The following TSPAN11 variants were observed in gnomAD, a reference collection of about 807,000 sequenced individuals.
The protein encoded by TSPAN11 is tetraspanin-11.
In TSPAN11, 29 loss-of-function variants were observed where a neutral mutation model predicts 32.9. That is an observed-to-expected ratio of 0.88 (90% CI 0.66 to 1.20). TSPAN11 has a LOEUF of 1.20. TSPAN11 is among the 50% of genes most tolerant of loss of function. The pLI, the probability that TSPAN11 is intolerant of heterozygous loss-of-function variation, is 0.00. For synonymous variants in TSPAN11, 140 were observed against 141.3 expected, an observed-to-expected ratio of 0.99 and a Z score of 0.07; for missense variants, 283 against 329.1, an observed-to-expected ratio of 0.86 and a Z score of 1.08.
Position 30,963,300 on chromosome 12 carries a change from G to A in TSPAN11, c.85-526G>A, listed in dbSNP as rs1039677317. ...TTGGACAATTTACCTTTCCTCCGTGGGTCTCAGTTTCTTCCTCGTAGAGTA... is the reference window on the plus strand; with the variant it reads ...TTGGACAATTTACCTTTCCTCCGTGAGTCTCAGTTTCTTCCTCGTAGAGTA... On this transcript the variant is annotated intron_variant, in intron 2 of 7. Coordinates refer to ENST00000546076, the MANE Select transcript of TSPAN11 (RefSeq NM_001370302.1). Among the ~76,000 whole-genome samples the A allele has an allele frequency of 9.9e-5, 15 of 152,130 alleles. 1 individual carries two copies. Among genetic ancestry groups the A allele is most frequent in the African/African-American group, 3.6e-4 (15 of 41,422 alleles).
At chr12:30,934,109 C>G (rs1937992654) in intron 1 of TSPAN11, among the ~76,000 whole-genome samples, 1 of 152,210 alleles carries the variant, frequency 6.6e-6, no homozygotes, top group Non-Finnish European at 1.5e-5. Flanking sequence ...CATGATTACC[C>G]AACTCTCTAG....
At chr12:30,934,651 AT>A (rs1294859521) in intron 1 of TSPAN11, among the ~76,000 whole-genome samples, 1 of 149,670 alleles carries the variant, frequency 6.7e-6, no homozygotes, top group Admixed American at 6.6e-5. Flanking sequence ...TTTTTTTGCA[AT>A]TTTTTTCTTT....
chr12:31,010,415 G>A, the TSPAN11 span, among the ~76,000 whole-genome samples: 1 of 152,152 alleles, frequency 6.6e-6, no homozygotes, highest in East Asian at 1.9e-4. Context: ...CTGAGTTCAG[G>A]CACTTCCCAT....
Position 30,995,573 on chromosome 12 carries a change from C to T in TSPAN11, c.*3658C>T, listed in dbSNP as rs940697871. On this transcript the variant is annotated 3_prime_UTR_variant, in exon 8 of 8. Coordinates refer to ENST00000546076, the MANE Select transcript of TSPAN11 (RefSeq NM_001370302.1). Reference sequence around the variant, plus strand: ...GGAGCCAGCTTTGTTTCAGAATCTGCTACTTGGGCCCTCTTCAGGGTTTTG... The same window carrying T: ...GGAGCCAGCTTTGTTTCAGAATCTGTTACTTGGGCCCTCTTCAGGGTTTTG... 64 of 152,350 alleles carry T rather than the reference C, an allele frequency of 4.2e-4. No homozygotes were observed. Among genetic ancestry groups the T allele is most frequent in the African/African-American group, 1.5e-3 (64 of 41,548 alleles). 9.4% of individuals were successfully genotyped at this position (152,350 alleles called of 1,614,324 possible). A position where few individuals can be genotyped will look rare whatever the true frequency, so the allele number is the denominator to read the frequency against.
At chr12:30,972,141 A>G (rs1236377124) in intron 3 of TSPAN11, among the ~76,000 whole-genome samples, 2 of 152,170 alleles carry the variant, frequency 1.3e-5, no homozygotes, top group Non-Finnish European at 2.9e-5. Flanking sequence ...CCGTCAGACC[A>G]CAGGGGATCG....
intron 3 of TSPAN11, among the ~76,000 whole-genome samples, chr12:30,966,483 C>T (rs1938735451): frequency 6.6e-6 from 1 of 152,232 alleles, no homozygotes; most frequent in Non-Finnish European, 1.5e-5. Flanking sequence ...CACGCTCTGA[C>T]CCACCACACT....
intron 3 of TSPAN11, among the ~76,000 whole-genome samples, chr12:30,970,617 C>G (rs1196684739): frequency 6.6e-6 from 1 of 152,206 alleles, no homozygotes; most frequent in Non-Finnish European, 1.5e-5. Flanking sequence ...GCTCCCAGAA[C>G]CACAAGTCAG....
chr12:31,016,053 G>A, the TSPAN11 span, among the ~76,000 whole-genome samples: 1 of 152,204 alleles, frequency 6.6e-6, no homozygotes, highest in South Asian at 2.1e-4. Flanking sequence ...GAGGCAGGAG[G>A]ATAACCAGAG....
the TSPAN11 span, among the ~76,000 whole-genome samples, chr12:31,005,365 G>A: frequency 2.0e-5 from 3 of 152,196 alleles, no homozygotes; most frequent in Non-Finnish European, 2.9e-5. Context: ...CAGTGGCCAC[G>A]GACAGCAGCA....
At chr12:30,959,047 G>A (rs1646763191) in intron 2 of TSPAN11, among the ~76,000 whole-genome samples, 1 of 152,156 alleles carries the variant, frequency 6.6e-6, no homozygotes, top group Non-Finnish European at 1.5e-5. Flanking sequence ...GCAGGAAAGA[G>A]AAACACTAGC....
chr12:31,005,571 G>T, the TSPAN11 span, among the ~76,000 whole-genome samples: 1 of 152,200 alleles, frequency 6.6e-6, no homozygotes, highest in Non-Finnish European at 1.5e-5. Flanking sequence ...GGTGCCCCGT[G>T]CCCCAGGTCT....
chr12:31,005,622 AAGGCTG>A, the TSPAN11 span, among the ~76,000 whole-genome samples: 6 of 152,198 alleles, frequency 3.9e-5, no homozygotes, highest in Non-Finnish European at 7.3e-5. Flanking sequence ...CACCACTGAG[AAGGCTG>A]AGGCTGAGGC....
intron 2 of TSPAN11, among the ~76,000 whole-genome samples, chr12:30,959,999 C>T (rs558741515): frequency 2.0e-5 from 3 of 150,076 alleles, no homozygotes; most frequent in African/African-American, 7.6e-5. Context: ...CGGGAGCCAA[C>T]TGAGGTGGGG....
At chr12:31,002,465 GC>G in the TSPAN11 span, among the ~76,000 whole-genome samples, 1 of 152,188 alleles carries the variant, frequency 6.6e-6, no homozygotes, top group Admixed American at 6.5e-5. The surrounding 1 kb of genome is among the most constrained non-coding windows in gnomAD (Gnocchi z 4.8). Flanking sequence ...GACTGTGACA[GC>G]CAAGGAAACC....
In TSPAN11 at chr12:30,953,978, C is replaced by T; in HGVS notation, c.-11-3C>T. On this transcript the variant is annotated splice_region_variant and splice_polypyrimidine_tract_variant and intron_variant, in intron 1 of 7. Coordinates refer to ENST00000546076, the MANE Select transcript of TSPAN11 (RefSeq NM_001370302.1). ...CGGCCCAGCATATGTGTCTTCTCTG[C>T]AGGCCCAGAAGCCATGGCCCACTAT... 6.2e-7 allele frequency: 1 copy of T among 1,609,470 alleles called. No individual in the cohort carries two copies. Among genetic ancestry groups the T allele is most frequent in the Non-Finnish European group, 8.5e-7 (1 of 1,176,998 alleles).
intron 1 of TSPAN11, among the ~76,000 whole-genome samples, chr12:30,946,032 C>T (rs1028397463): frequency 3.9e-5 from 6 of 152,182 alleles, no homozygotes; most frequent in African/African-American, 9.7e-5. Flanking sequence ...TGCTCCGCCC[C>T]GCTCAGTTAG....
chr12:30,954,118 ATGAGTCAAGCCACCTTTTGTTTTTTT>A (rs1938436861), intron 2 of TSPAN11, 43 bp downstream of exon 2: 1 of 1,474,520 alleles, frequency 6.8e-7, no homozygotes, highest in Non-Finnish European at 9.5e-7. Context: ...CGAGCACTGA[ATGAGTCAAGCCACCTTTTGTTTTTTT>A]GTGTCACCAC....
At chr12:30,972,450 G>A (rs1219051471) in intron 3 of TSPAN11, among the ~76,000 whole-genome samples, 3 of 152,122 alleles carry the variant, frequency 2.0e-5, no homozygotes, top group Non-Finnish European at 2.9e-5. Context: ...GGCTGTGCCT[G>A]AGCTGAGAGT....
At chr12:30,928,236 A>G (rs1014600378) in intron 1 of TSPAN11, among the ~76,000 whole-genome samples, 1 of 152,204 alleles carries the variant, frequency 6.6e-6, no homozygotes, top group African/African-American at 2.4e-5. Context: ...TTGACTTTCC[A>G]GAGAGCCTTT....
Sources: gnomAD v4.1 joint callset for allele counts (sites outside exome capture counted in the v4.1 genomes callset) on GRCh38, gnomAD v4.1.1 for gene constraint, Gnocchi (gnomAD v3.1) non-coding constraint, MANE v1.5 for transcripts, NCBI Gene and HGNC (gene_info 2026-07-23, HGNC 2026-07-21) for gene names.